Variants in SORCS2 observed in about 807,000 individuals in gnomAD.
SORCS2 encodes the protein VPS10 domain-containing receptor SorCS2.
A neutral mutation model predicts 141.6 loss-of-function variants in SORCS2; 100 were observed. The observed-to-expected ratio is 0.71, with a 90% CI of 0.60 to 0.83. The LOEUF is 0.83. Among genes scored for constraint, SORCS2 ranks in the 40% least tolerant of loss-of-function variants. The pLI is 0.00. For synonymous variants in SORCS2, 789 were observed against 676.9 expected (o/e 1.17, Z -2.57); for missense variants, 1,646 against 1,560.2 (o/e 1.05, Z -0.93).
intron 9 of SORCS2, among the ~76,000 whole-genome samples, chr4:7,677,893 C>T (rs35354755): frequency 0.15 from 22,849 of 152,142 alleles, 1,791 homozygotes; most frequent in Middle Eastern, 0.17. Context: ...CCCTCTGAGC[C>T]TCTAGGAGGG....
At chr4:7,715,103 C>T in intron 16 of SORCS2, 80 bp from the exon 17 acceptor site, 1 of 1,578,062 alleles carries the variant, frequency 6.3e-7, no homozygotes, top group Non-Finnish European at 8.7e-7. Context: ...TTCTCAGCTC[C>T]CCCAGATTTC....
chr4:7,639,227 C>T (rs1720473774), intron 4 of SORCS2, among the ~76,000 whole-genome samples: 1 of 152,214 alleles, frequency 6.6e-6, no homozygotes, highest in South Asian at 2.1e-4. Context: ...TCTGGAGGCC[C>T]ACAGTCCAAA....
chr4:7,430,375 CAAA>C (rs1726752258), intron 2 of SORCS2: 1 of 152,098 alleles, frequency 6.6e-6, no homozygotes, highest in African/African-American at 2.4e-5. Context: ...AACAAACAAA[CAAA>C]CAAACAAACA....
intron 2 of SORCS2, among the ~76,000 whole-genome samples, chr4:7,414,787 A>G (rs1725552268): frequency 6.6e-6 from 1 of 152,150 alleles, no homozygotes; most frequent in Non-Finnish European, 1.5e-5. Flanking sequence ...CTGGACACGA[A>G]CTCAAGGTTT....
chr4:7,417,634 T>C (rs1471758391), intron 2 of SORCS2, among the ~76,000 whole-genome samples: 1 of 152,194 alleles, frequency 6.6e-6, no homozygotes, highest in East Asian at 1.9e-4. Flanking sequence ...CCTCAGTGAC[T>C]GTGGGACCCG....
intron 2 of SORCS2, among the ~76,000 whole-genome samples, chr4:7,445,372 G>A (rs935511318): frequency 8.5e-5 from 13 of 152,156 alleles, no homozygotes; most frequent in Admixed American, 5.9e-4. Context: ...GGAGAGCCGG[G>A]TCTGGAGGGG....
intron 5 of SORCS2, among the ~76,000 whole-genome samples, chr4:7,659,511 G>A (rs1722016872): frequency 6.6e-6 from 1 of 151,980 alleles, no homozygotes; most frequent in African/African-American, 2.4e-5. Context: ...GTGAATGGAT[G>A]GGTGGATGTC....
At position 7,737,118 on chromosome 4, in the gene SORCS2, C is replaced by T; in HGVS notation, c.3361C>T (p.Gln1121Ter). 4 of 1,551,414 alleles carry T rather than the reference C, an allele frequency of 2.6e-6. No individual in the cohort carries two copies. The highest frequency in any genetic ancestry group is 2.6e-6 in the Non-Finnish European group (3 of 1,146,944). ...CGCCCAAATGCACAACGAGAAGGAGCAGGAGATGACCAGCCCTGTGAGTCA... is the reference window on the plus strand; with the variant it reads ...CGCCCAAATGCACAACGAGAAGGAGTAGGAGATGACCAGCCCTGTGAGTCA... ...VYAQMHNEKE[Q>*]EMTSPVSHSE... Residue 1121 changes from glutamine to a stop codon, truncating the protein, a stop_gained, in exon 26 of 27, where the codon CAG (glutamine) becomes TAG (stop). Coordinates refer to ENST00000507866, the MANE Select transcript of SORCS2 (RefSeq NM_020777.3). LOFTEE classifies it high-confidence loss of function.
At chr4:7,376,762 C>T (rs1722683221) in intron 1 of SORCS2, among the ~76,000 whole-genome samples, 1 of 152,090 alleles carries the variant, frequency 6.6e-6, no homozygotes, top group South Asian at 2.1e-4. Flanking sequence ...AAGAAGGGAT[C>T]GTGACCAACA....
intron 3 of SORCS2, among the ~76,000 whole-genome samples, chr4:7,622,376 G>C (rs1280465459): frequency 6.6e-6 from 1 of 152,204 alleles, no homozygotes; most frequent in African/African-American, 2.4e-5. Flanking sequence ...GGTTGAGCTT[G>C]TTATAAAGAA....
intron 2 of SORCS2, among the ~76,000 whole-genome samples, chr4:7,503,773 A>G (rs1176432083): frequency 6.6e-6 from 1 of 152,200 alleles, no homozygotes; most frequent in Non-Finnish European, 1.5e-5. Context: ...TGCAACGTGT[A>G]TGGAACAAAG....
At chr4:7,222,747 AG>A (rs1260471734) in intron 1 of SORCS2, among the ~76,000 whole-genome samples, 2 of 151,846 alleles carry the variant, frequency 1.3e-5, no homozygotes, top group Non-Finnish European at 2.9e-5. Flanking sequence ...TGGAAAGGGC[AG>A]GTGTAGGGAG....
At position 7,531,580 on chromosome 4, in the gene SORCS2, T is replaced by C; in HGVS notation, c.599T>C (p.Val200Ala). Residue 200 changes from valine (V) to alanine (A), a missense_variant, in exon 3 of 27, where the codon GTC becomes GCC. By Grantham distance (64) the Val-to-Ala change is moderately conservative. Transcript: ENST00000507866. ...SYTKLTLQPG[V>A]TTVIDNFYIC... ...ACCAAGCTCACCCTCCAGCCTGGTGTCACCACCGTCATCGACAATTTCTAC... is the reference window on the plus strand; with the variant it reads ...ACCAAGCTCACCCTCCAGCCTGGTGCCACCACCGTCATCGACAATTTCTAC... The C allele has an allele frequency of 6.2e-7, 1 of 1,613,874 alleles. No homozygotes were observed. The highest frequency in any genetic ancestry group is 8.5e-7 in the Non-Finnish European group (1 of 1,179,852).
intron 1 of SORCS2, among the ~76,000 whole-genome samples, chr4:7,296,400 C>G (rs1270758091): frequency 6.6e-6 from 1 of 152,246 alleles, no homozygotes; most frequent in Non-Finnish European, 1.5e-5. Flanking sequence ...GCAGGAAGCT[C>G]TGCCTCCTCT....
chr4:7,319,257 T>A (rs1718751415), intron 1 of SORCS2, among the ~76,000 whole-genome samples: 1 of 152,198 alleles, frequency 6.6e-6, no homozygotes, highest in South Asian at 2.1e-4. Context: ...ATATTATGCC[T>A]GGAAATGGGC....
intron 2 of SORCS2, among the ~76,000 whole-genome samples, chr4:7,511,163 A>T (rs796855217): frequency 3.3e-5 from 5 of 152,232 alleles, no homozygotes; most frequent in African/African-American, 1.2e-4. Context: ...GACAGACTAC[A>T]TCCACGCAGA....
chr4:7,578,236 C>T (rs779851747), intron 3 of SORCS2, among the ~76,000 whole-genome samples: 6 of 152,186 alleles, frequency 3.9e-5, no homozygotes, highest in Non-Finnish European at 7.3e-5. Context: ...TTGAAGTAGC[C>T]TGAGACCCTT....
chr4:7,202,245 T>TCGGGAC (rs1402124957), intron 1 of SORCS2, among the ~76,000 whole-genome samples: 2 of 152,182 alleles, frequency 1.3e-5, no homozygotes, highest in African/African-American at 2.4e-5. Context: ...GCCTCATGAC[T>TCGGGAC]CGGGACCGCT....
At chr4:7,494,208 CGAT>C (rs769670782) in intron 2 of SORCS2, among the ~76,000 whole-genome samples, 4 of 152,212 alleles carry the variant, frequency 2.6e-5, no homozygotes, top group Non-Finnish European at 5.9e-5. Flanking sequence ...ACTTCCCATA[CGAT>C]GACAGACTTT....
Sources: gnomAD v4.1 joint callset for allele counts (sites outside exome capture counted in the v4.1 genomes callset) on GRCh38, gnomAD v4.1.1 for gene constraint, MANE v1.5 for transcripts, NCBI Gene and HGNC (gene_info 2026-07-23, HGNC 2026-07-21) for gene names.